Variants in MYO18A observed in about 807,000 individuals in gnomAD.
MYO18A encodes myosin XVIIIA.
MYO18A carries 78 observed loss-of-function variants against 235.8 expected under a neutral mutation model. The observed-to-expected ratio is 0.33, with a 90% confidence interval of 0.28 to 0.40. MYO18A has a LOEUF of 0.40. MYO18A is among the 10% of genes least tolerant of loss of function. The pLI, the probability that MYO18A is intolerant of heterozygous loss-of-function variation, is 1.00. For missense variants in MYO18A, 2,215 were observed against 2,699.3 expected (o/e 0.82, Z 3.98); for synonymous variants, 977 against 1,077.8 (o/e 0.91, Z 1.83).
chr17:29,115,464 C>G, intron 12 of MYO18A, 23 bp from the exon 13 acceptor site: 1 of 1,608,054 alleles, frequency 6.2e-7, no homozygotes. Context: ...GGGAGCAGCG[C>G]TATCTCCTTC....
chr17:29,129,950 C>T (rs1598352858), intron 2 of MYO18A, among the ~76,000 whole-genome samples: 1 of 152,316 alleles, frequency 6.6e-6, no homozygotes, highest in East Asian at 1.9e-4. Context: ...CTGGATCCTA[C>T]ACTCCTCCCC....
intron 1 of MYO18A, among the ~76,000 whole-genome samples, chr17:29,168,425 G>C (rs1308112982): frequency 1.3e-5 from 2 of 151,584 alleles, no homozygotes; most frequent in Admixed American, 1.3e-4. Context: ...CAGGGAACAA[G>C]AAGAAGAAAT....
intron 22 of MYO18A, among the ~76,000 whole-genome samples, 177 bp downstream of exon 22, chr17:29,099,457 G>C: frequency 6.6e-6 from 1 of 151,972 alleles, no homozygotes; most frequent in Non-Finnish European, 1.5e-5. Flanking sequence ...ACCAGGCCCC[G>C]TCGCTGGGCA....
At chr17:29,147,187 G>A (rs2067866082) in intron 2 of MYO18A, among the ~76,000 whole-genome samples, 1 of 152,202 alleles carries the variant, frequency 6.6e-6, no homozygotes, top group Admixed American at 6.5e-5. Flanking sequence ...ACAAGCTTTT[G>A]GAGAGTGATG....
chr17:29,169,663 G>T (rs2068358414), intron 1 of MYO18A, among the ~76,000 whole-genome samples: 1 of 152,132 alleles, frequency 6.6e-6, no homozygotes, highest in African/African-American at 2.4e-5. Flanking sequence ...TGGTTTAGAA[G>T]ATAACTCCAG....
chr17:29,078,324 T>G (rs1477394400), intron 41 of MYO18A: 1 of 152,186 alleles, frequency 6.6e-6, no homozygotes, highest in African/African-American at 2.4e-5. Context: ...CTGACTCTTG[T>G]CTTACTATGG....
chr17:29,137,726 T>A (rs2067638581), intron 2 of MYO18A, among the ~76,000 whole-genome samples: 1 of 152,106 alleles, frequency 6.6e-6, no homozygotes, highest in African/African-American at 2.4e-5. Flanking sequence ...AACTGACAAA[T>A]GTGTGGACAA....
At position 29,097,839 on chromosome 17, in the gene MYO18A, G is replaced by A. The variant is rs766466501; in HGVS notation, c.4051C>T (p.Arg1351Cys). 94 of 1,613,748 alleles carry A rather than the reference G, an allele frequency of 5.8e-5. No homozygotes were observed. In the Admixed American group the frequency reaches 9.5e-4, roughly 16 times the overall value. Residue 1351 changes from arginine to cysteine, a missense_variant, in exon 26 of 42, where the codon CGT (arginine) becomes TGT (cysteine). Physicochemically the swap from Arg to Cys is radical, Grantham distance 180 (BLOSUM62 -3). Coordinates refer to ENST00000527372, the MANE Select transcript of MYO18A (RefSeq NM_078471.4). ...EVMEMEVMEA[R>C]LIRAAEINGE... is the part of the protein sequence containing the mutation. ...TTGATCTCCGCTGCCCGGATGAGAC[G>A]GGCCTCCATCACCTCCATTTCCATA...
chr17:29,149,328 C>T (rs968865791), intron 2 of MYO18A, among the ~76,000 whole-genome samples: 1 of 152,238 alleles, frequency 6.6e-6, no homozygotes, highest in African/African-American at 2.4e-5. Context: ...TGAATGAATA[C>T]ATGAATGCAA....
Position 29,092,938 on chromosome 17 carries a change from G to A in MYO18A, c.4990C>T (p.Leu1664=). 7 of 1,613,952 alleles carry A rather than the reference G, an allele frequency of 4.3e-6. No homozygotes were observed. Among genetic ancestry groups the A allele is most frequent in the Non-Finnish European group, 5.9e-6 (7 of 1,179,870 alleles). Residue 1664 remains leucine, a synonymous_variant, in exon 33 of 42, where the codon CTG becomes TTG. Coordinates refer to ENST00000527372, the MANE Select transcript of MYO18A (RefSeq NM_078471.4). ...LRKDLKRTKA[L]LADAQLMLDH... is the part of the protein sequence containing the mutation. ...AGCATGAGCTGGGCATCTGCCAGCA[G>A]GGCCTTGGTGCGCTTCAGGTCCTTC...
At chr17:29,133,204 G>A (rs1270895050) in intron 2 of MYO18A, among the ~76,000 whole-genome samples, 1 of 152,226 alleles carries the variant, frequency 6.6e-6, no homozygotes, top group Non-Finnish European at 1.5e-5. Flanking sequence ...GCCCAGCTCT[G>A]AGCTCAGCTC....
intron 2 of MYO18A, among the ~76,000 whole-genome samples, chr17:29,154,242 G>A (rs1312500418): frequency 1.3e-5 from 2 of 152,148 alleles, no homozygotes. Context: ...ATGGAGGCAA[G>A]AGTGATCAGG....
intron 2 of MYO18A, chr17:29,127,853 T>A: frequency 1.0e-6 from 1 of 988,542 alleles, no homozygotes; most frequent in Non-Finnish European, 1.2e-6. Flanking sequence ...CTCTTGTACC[T>A]CCTGCTTCAC....
At chr17:29,116,320 C>A in intron 11 of MYO18A, 124 bp downstream of exon 11, 1 of 1,092,262 alleles carries the variant, frequency 9.2e-7, no homozygotes, top group Non-Finnish European at 1.4e-6. Context: ...CCACTGATGG[C>A]CCAACAGTGG....
In MYO18A at chr17:29,118,917, C is replaced by A. The variant is rs1257726920; in HGVS notation, c.1829+418G>T. ...CTAGTCTGGAGGGCACTGGAAGAGG[C>A]ATGGGCTTTTGGCCCCAGTGTGGAT... On this transcript the variant is annotated intron_variant, in intron 8 of 41. Coordinates refer to ENST00000527372, the MANE Select transcript of MYO18A (RefSeq NM_078471.4). This position sits in a 1 kb window ranked among gnomAD's most constrained non-coding sequence, Gnocchi z 4.2. Among the ~76,000 whole-genome samples the A allele has an allele frequency of 1.3e-5, 2 of 152,280 alleles. No homozygotes were observed. Among genetic ancestry groups the A allele is most frequent in the Non-Finnish European group, 2.9e-5 (2 of 68,012 alleles).
intron 1 of MYO18A, among the ~76,000 whole-genome samples, chr17:29,174,662 A>C (rs551307686): frequency 1.3e-5 from 2 of 152,194 alleles, no homozygotes; most frequent in East Asian, 3.9e-4. Context: ...TAAAAATACA[A>C]AACTTTGCCG....
chr17:29,174,668 T>G (rs1374401789), intron 1 of MYO18A, among the ~76,000 whole-genome samples: 1 of 151,878 alleles, frequency 6.6e-6, no homozygotes, highest in African/African-American at 2.4e-5. Context: ...TACAAAACTT[T>G]GCCGGCGTAG....
At chr17:29,145,989 G>A (rs2067839876) in intron 2 of MYO18A, among the ~76,000 whole-genome samples, 1 of 152,226 alleles carries the variant, frequency 6.6e-6, no homozygotes, top group Admixed American at 6.5e-5. Flanking sequence ...CAGGCGTAGT[G>A]GCTCACGCCA....
rs1304658671 is a variant in MYO18A at position 29,111,873 on chromosome 17, A to G, written c.2599-10T>C. The G allele has an allele frequency of 6.2e-7, 1 of 1,604,058 alleles. No homozygotes were observed. The highest frequency in any genetic ancestry group is 1.7e-5 in the Admixed American group (1 of 57,896). On this transcript the variant is annotated splice_polypyrimidine_tract_variant and intron_variant, in intron 15 of 41. Transcript: ENST00000527372. This position sits in a 1 kb window ranked among gnomAD's most constrained non-coding sequence, Gnocchi z 5.1. ...GGGCCAGCGAGCGGACCTACAGAGAAGGAAGGAAATCCCTCCTTGTCATAT... is the reference window on the plus strand; with the variant it reads ...GGGCCAGCGAGCGGACCTACAGAGAGGGAAGGAAATCCCTCCTTGTCATAT...
Sources: gnomAD v4.1 joint callset for allele counts (sites outside exome capture counted in the v4.1 genomes callset) on GRCh38, gnomAD v4.1.1 for gene constraint, Gnocchi (gnomAD v3.1) non-coding constraint, MANE v1.5 for transcripts, NCBI Gene and HGNC (gene_info 2026-07-23, HGNC 2026-07-21) for gene names.